Variants in GINS2 observed in about 807,000 individuals in gnomAD.
GINS2 encodes DNA replication complex GINS protein PSF2.
In GINS2, 23 loss-of-function variants were observed where a neutral mutation model predicts 21.2. The observed-to-expected ratio is 1.08, with a 90% confidence interval of 0.78 to 1.53. GINS2 has a LOEUF of 1.53. GINS2 is among the 40% of genes most tolerant of loss of function. GINS2 has a pLI of 0.00. For synonymous variants in GINS2, 118 were observed against 85.6 expected (o/e 1.38, Z -2.09); for missense variants, 323 against 233.9 (o/e 1.38, Z -2.49).
intron 3 of GINS2, among the ~76,000 whole-genome samples, chr16:85,679,239 A>T (rs1202791339): frequency 6.6e-6 from 1 of 152,238 alleles, no homozygotes; most frequent in Non-Finnish European, 1.5e-5. Flanking sequence ...CAAGTTTCAA[A>T]AATCACAGAA....
At chr16:85,687,304 T>C (rs2053785375) in intron 2 of GINS2, among the ~76,000 whole-genome samples, 156 bp downstream of exon 2, 1 of 152,226 alleles carries the variant, frequency 6.6e-6, no homozygotes. Flanking sequence ...GAGAGGTGAA[T>C]CTGGAAGTAT....
chr16:85,684,068 A>T (rs1404481585), intron 2 of GINS2, among the ~76,000 whole-genome samples: 1 of 152,210 alleles, frequency 6.6e-6, no homozygotes, highest in African/African-American at 2.4e-5. Flanking sequence ...AATAGCCAAA[A>T]ATGAGCCAGG....
rs1384283340 is a variant in GINS2 at position 85,676,477 on chromosome 16, G to T, written c.*1735C>A. The T allele has an allele frequency of 6.6e-6, 1 of 152,192 alleles. No homozygotes were observed. The highest frequency in any genetic ancestry group is 1.5e-5 in the Non-Finnish European group (1 of 68,048). 9.4% of individuals were successfully genotyped at this position (152,192 alleles called of 1,614,324 possible). ...TAAATTATGGAGACCTCATCTTTTG[G>T]TCCCAGTCTTCCAGGTCTGACCCTT... On this transcript the variant is annotated 3_prime_UTR_variant, in exon 5 of 5. Transcript: ENST00000253462.
intron 1 of GINS2, 118 bp downstream of exon 1, chr16:85,688,691 G>A: frequency 2.1e-6 from 1 of 471,662 alleles, no homozygotes; most frequent in Non-Finnish European, 3.7e-6. Context: ...AGCGCCGAGT[G>A]GTGGCCTCCG....
intron 2 of GINS2, among the ~76,000 whole-genome samples, chr16:85,686,213 G>C (rs1429433011): frequency 6.6e-6 from 1 of 152,132 alleles, no homozygotes; most frequent in Non-Finnish European, 1.5e-5. Context: ...AGGAGATTGA[G>C]ACCAACCTGG....
rs565688608 is a variant in GINS2, at chr16:85,687,326, G to C, written c.205+134C>G. The C allele has an allele frequency of 1.5e-4, 81 of 537,812 alleles. No homozygotes were observed. In the Middle Eastern group the frequency reaches 1.9e-3, roughly 13 times the overall value. The allele number at this position is 537,812 out of a possible 1,614,324, so 33.3% of individuals were successfully genotyped here. A position where few individuals can be genotyped will look rare whatever the true frequency, so the allele number is the denominator to read the frequency against. ...GAATCTGGAAGTATTCCTTTCAGCT[G>C]ATCAGTAGATAACGGAACAGAGGGA... On this transcript the variant is annotated intron_variant, in intron 2 of 4. Transcript: ENST00000253462.
chr16:85,688,665 G>A (rs1036154886), intron 1 of GINS2, 144 bp downstream of exon 1: 4 of 433,416 alleles, frequency 9.2e-6, no homozygotes, highest in African/African-American at 4.1e-5. Flanking sequence ...AAGCGGGAAC[G>A]GCGGTGAGCG....
chr16:85,685,588 T>C (rs1317036704), intron 2 of GINS2, among the ~76,000 whole-genome samples: 1 of 146,908 alleles, frequency 6.8e-6, no homozygotes, highest in Non-Finnish European at 1.5e-5. Flanking sequence ...GGAGGATGAC[T>C]TGAGGCTGGG....
chr16:85,686,330 A>C (rs2053777188), intron 2 of GINS2, among the ~76,000 whole-genome samples: 1 of 151,978 alleles, frequency 6.6e-6, no homozygotes, highest in South Asian at 2.1e-4. Context: ...ACGCGGGAGA[A>C]TGGTGTGAAC....
chr16:85,678,088 A>G lies in GINS2; in HGVS notation c.*124T>C. 2 of 830,066 alleles carry G rather than the reference A, an allele frequency of 2.4e-6. No individual in the cohort carries two copies. Among genetic ancestry groups the G allele is most frequent in the Non-Finnish European group, 1.9e-6 (1 of 516,154 alleles). The allele number at this position is 830,066 out of a possible 1,614,324, so 51.4% of individuals were successfully genotyped here. ...GTTTCTCCAACAACATCCTGAATCC[A>G]TTCCTTGCACCATCACACATTTTTC... On this transcript the variant is annotated 3_prime_UTR_variant, in exon 5 of 5. Transcript: ENST00000253462.
intron 3 of GINS2, among the ~76,000 whole-genome samples, chr16:85,680,478 G>C (rs544672321): frequency 6.6e-6 from 1 of 152,106 alleles, no homozygotes; most frequent in Non-Finnish European, 1.5e-5. Flanking sequence ...TATCTCCCAA[G>C]CAAAATTATC....
chr16:85,679,468 T>G (rs183320773), intron 3 of GINS2, among the ~76,000 whole-genome samples: 1 of 152,336 alleles, frequency 6.6e-6, no homozygotes, highest in Non-Finnish European at 1.5e-5. Context: ...TCTCTCCATA[T>G]GCTACAATTA....
chr16:85,678,383 T>A, intron 4 of GINS2, 46 bp from the exon 5 acceptor site: 1 of 1,605,946 alleles, frequency 6.2e-7, no homozygotes, highest in Non-Finnish European at 8.5e-7. Flanking sequence ...TTTTTGATTT[T>A]GAGAAAAAGG....
chr16:85,681,029 A>G (rs969784630), intron 3 of GINS2, among the ~76,000 whole-genome samples: 2 of 152,380 alleles, frequency 1.3e-5, no homozygotes, highest in African/African-American at 4.8e-5. Context: ...GAGCGGAGCC[A>G]GTATGGATGA....
chr16:85,682,763 G>A (rs1437854227), intron 2 of GINS2, among the ~76,000 whole-genome samples: 2 of 152,140 alleles, frequency 1.3e-5, no homozygotes, highest in Non-Finnish European at 2.9e-5. Context: ...CCCCTCTACA[G>A]AGAAACCTGT....
In GINS2 at chr16:85,687,480, G is replaced by A; in HGVS notation, c.185C>T (p.Pro62Leu). Reference sequence around the variant, plus strand: ...CTTACCTACATCCATCCACTCTGGAGGGAGCAGGCGACATTTCTGTCTTTG... The same window carrying A: ...CTTACCTACATCCATCCACTCTGGAAGGAGCAGGCGACATTTCTGTCTTTG... ...LKQRQKCRLL[P>L]PEWMDVEKLE... Residue 62 changes from proline to leucine, a missense_variant, in exon 2 of 5, where the codon CCT becomes CTT. Physicochemically the swap from Pro to Leu is moderately conservative, Grantham distance 98. Coordinates refer to ENST00000253462, the MANE Select transcript of GINS2 (RefSeq NM_016095.3). 1 of 1,577,510 alleles carries A rather than the reference G, an allele frequency of 6.3e-7. No homozygotes were observed. Among genetic ancestry groups the A allele is most frequent in the Non-Finnish European group, 8.6e-7 (1 of 1,163,468 alleles).
At position 85,687,563 on chromosome 16, in the gene GINS2, C is replaced by A. The variant is rs1003279129; in HGVS notation, c.102G>T (p.Gly34=). ...CCACGGGTAAACCAGGGTTAAAAGG[C>A]CCCAGGTCCCCCTGCCAAAAGTAAA... ...DKIYLIGGDL[G]PFNPGLPVEV... Residue 34 remains glycine (G), a synonymous_variant, in exon 2 of 5, where the codon GGG becomes GGT. Transcript: ENST00000253462. 6.4e-6 allele frequency: 10 copies of A among 1,550,702 alleles called. No individual in the cohort carries two copies. The Middle Eastern group carries it at 1.6e-3, about 241-fold the overall frequency.
chr16:85,685,423 C>T (rs2053766073), intron 2 of GINS2, among the ~76,000 whole-genome samples: 1 of 151,952 alleles, frequency 6.6e-6, no homozygotes, highest in Non-Finnish European at 1.5e-5. Context: ...CATCTGTAAT[C>T]CCAGCACTCT....
chr16:85,681,545 T>C, intron 3 of GINS2, 37 bp downstream of exon 3: 1 of 1,206,182 alleles, frequency 8.3e-7, no homozygotes, highest in Non-Finnish European at 1.2e-6. Context: ...GCGAGTCCAG[T>C]CTTGGGTGTG....
Sources: allele counts gnomAD v4.1 joint callset (sites outside exome capture counted in the v4.1 genomes callset), GRCh38; gene constraint gnomAD v4.1.1; transcripts MANE v1.5; gene names NCBI Gene and HGNC (gene_info 2026-07-23, HGNC 2026-07-21).